Variants in ABCA12 observed in about 807,000 individuals in gnomAD.
ABCA12 encodes glucosylceramide transporter ABCA12.
ABCA12 carries 156 observed loss-of-function variants against 293.5 expected under a neutral mutation model. The observed-to-expected ratio is 0.53, with a 90% CI of 0.47 to 0.61. The LOEUF (loss-of-function observed/expected upper bound fraction) is 0.61. Among genes scored for constraint, ABCA12 ranks in the 20% least tolerant of loss-of-function variants. The pLI is 0.00. For missense variants in ABCA12, 2,797 were observed against 3,090.2 expected (o/e 0.91, Z 2.25); for synonymous variants, 1,063 against 1,108.0 (o/e 0.96, Z 0.81).
At chr2:215,000,581 C>A (rs1700122790) in intron 22 of ABCA12, 124 bp downstream of exon 22, 2 of 1,099,342 alleles carry the variant, frequency 1.8e-6, no homozygotes, top group African/African-American at 1.5e-5. Flanking sequence ...TTTCTCAAAA[C>A]AAGCATATTA....
At chr2:215,045,047 T>C (rs1465412137) in intron 7 of ABCA12, among the ~76,000 whole-genome samples, 1 of 152,182 alleles carries the variant, frequency 6.6e-6, no homozygotes, top group East Asian at 1.9e-4. Context: ...AAATAAATAC[T>C]GTTTGTTGTA....
chr2:215,052,459 T>G, intron 5 of ABCA12, 28 bp downstream of exon 5: 1 of 1,575,114 alleles, frequency 6.3e-7, no homozygotes, highest in East Asian at 2.2e-5. Context: ...TGAATCACTC[T>G]ACCCATTACA....
At chr2:215,051,933 T>C (rs905515037) in intron 5 of ABCA12, among the ~76,000 whole-genome samples, 4 of 152,088 alleles carry the variant, frequency 2.6e-5, no homozygotes, top group Non-Finnish European at 5.9e-5. Context: ...CACACACATT[T>C]AGCTCACAGG....
At chr2:215,075,895 C>T (rs1467255979) in intron 2 of ABCA12, among the ~76,000 whole-genome samples, 2 of 152,142 alleles carry the variant, frequency 1.3e-5, no homozygotes, top group African/African-American at 4.8e-5. Flanking sequence ...TAGACCTCAT[C>T]AAGGCAGAAG....
chr2:214,957,609 C>T (rs1574941212), intron 41 of ABCA12, among the ~76,000 whole-genome samples: 2 of 152,250 alleles, frequency 1.3e-5, no homozygotes, highest in East Asian at 1.9e-4. Context: ...CCCTTTAAGC[C>T]GATGATCTTG....
In ABCA12 at chr2:215,064,116, T is replaced by C; in HGVS notation, c.267A>G (p.Pro89=). 6.2e-7 allele frequency: 1 copy of C among 1,612,950 alleles called. No homozygotes were observed. The highest frequency in any genetic ancestry group is 8.5e-7 in the Non-Finnish European group (1 of 1,179,234). Residue 89 remains proline, a synonymous_variant, in exon 3 of 53, where the codon CCA becomes CCG. Transcript: ENST00000272895. ...DSKCKDTPYG[P]QDLLRRKGID... The stretch of plus-strand genomic sequence containing the variant: ...TTCCTTTCCTACGAAGCAGATCTTG[T>C]GGGCCATAGGGTGTGTCTTTGCATT...
chr2:214,998,438 A>T (rs1055960227), intron 22 of ABCA12, among the ~76,000 whole-genome samples: 1 of 152,162 alleles, frequency 6.6e-6, no homozygotes, highest in Non-Finnish European at 1.5e-5. Context: ...GATTACAGGC[A>T]TGAGTCACTG....
At chr2:215,052,272 A>G (rs1701333958) in intron 5 of ABCA12, among the ~76,000 whole-genome samples, 1 of 152,088 alleles carries the variant, frequency 6.6e-6, no homozygotes, top group South Asian at 2.1e-4. Context: ...TAAGGGACTT[A>G]ACAGGGAAGT....
rs374407087 is a variant in ABCA12 at position 215,113,702 on chromosome 2, A to G, written c.70-2012T>C. On this transcript the variant is annotated intron_variant, in intron 1 of 52. Transcript: ENST00000272895. ...AGGCATTTGTAAATTTGAATGGGAG[A>G]AAAAAAGATTATATTTTTATTTTCT... 1.9e-4 allele frequency among the ~76,000 whole-genome samples: 29 copies of G among 152,290 alleles called. 1 individual carries two copies. The highest frequency in any genetic ancestry group is 7.0e-4 in the African/African-American group (29 of 41,572).
intron 1 of ABCA12, among the ~76,000 whole-genome samples, chr2:215,116,927 A>G (rs1702698584): frequency 2.0e-5 from 3 of 152,242 alleles, no homozygotes; most frequent in South Asian, 4.1e-4. Context: ...GACAAGAGCC[A>G]TGAAAACTAG....
At chr2:215,061,396 A>T (rs569484650) in intron 3 of ABCA12, among the ~76,000 whole-genome samples, 12 of 152,194 alleles carry the variant, frequency 7.9e-5, no homozygotes, top group African/African-American at 2.9e-4. Context: ...CTATTAAAAG[A>T]AACATGGCAG....
chr2:215,013,967 G>C (rs970904273), intron 15 of ABCA12, among the ~76,000 whole-genome samples: 6 of 152,118 alleles, frequency 3.9e-5, no homozygotes, highest in Non-Finnish European at 5.9e-5. Context: ...GATCACTTGA[G>C]GTCAGGAGTT....
intron 1 of ABCA12, among the ~76,000 whole-genome samples, chr2:215,123,945 A>G (rs57079058): frequency 0.048 from 7,289 of 152,104 alleles, 572 homozygotes; most frequent in African/African-American, 0.17. Flanking sequence ...CTAAGCCTCA[A>G]AAGTCCATTG....
chr2:215,053,875 G>A (rs1056304948), intron 4 of ABCA12, among the ~76,000 whole-genome samples: 11 of 151,952 alleles, frequency 7.2e-5, no homozygotes, highest in Non-Finnish European at 1.5e-4. Context: ...TGTTTCGAGC[G>A]TTTATTTTTT....
rs755391236 is a variant in ABCA12 at position 214,997,733 on chromosome 2, T to C, written c.3256A>G (p.Lys1086Glu). 1 of 1,613,488 alleles carries C rather than the reference T, an allele frequency of 6.2e-7. No individual in the cohort carries two copies. Among genetic ancestry groups the C allele is most frequent in the South Asian group, 1.1e-5 (1 of 91,060 alleles). ...AWVVFIAAFVKKLVYEKDLRL... is the reference protein window; with the variant it reads ...AWVVFIAAFVEKLVYEKDLRL... ...AGGTCTTTCTCATAGACAAGCTTTTTTACAAAGGCAGCTATAAATACAACC... is the reference window on the plus strand; with the variant it reads ...AGGTCTTTCTCATAGACAAGCTTTTCTACAAAGGCAGCTATAAATACAACC... Residue 1086 changes from lysine to glutamate, a missense_variant, in exon 23 of 53, where the codon AAA becomes GAA. Lys to Glu is a moderately conservative substitution (Grantham distance 56). Coordinates refer to ENST00000272895, the MANE Select transcript of ABCA12 (RefSeq NM_173076.3).
chr2:215,054,339 T>C (rs1158063132), intron 4 of ABCA12, among the ~76,000 whole-genome samples: 2 of 152,100 alleles, frequency 1.3e-5, no homozygotes, highest in East Asian at 1.9e-4. Flanking sequence ...TCTCAACATG[T>C]AGGCTTTTGC....
chr2:214,941,764 T>C (rs1412436108), intron 50 of ABCA12, among the ~76,000 whole-genome samples: 2 of 150,316 alleles, frequency 1.3e-5, no homozygotes, highest in African/African-American at 4.8e-5. Flanking sequence ...TATCAGAGAC[T>C]AGGATTGCAA....
At chr2:214,969,251 C>T (rs919480592) in intron 37 of ABCA12, among the ~76,000 whole-genome samples, 1 of 151,988 alleles carries the variant, frequency 6.6e-6, no homozygotes, top group Admixed American at 6.6e-5. Flanking sequence ...TGTCCCCAGA[C>T]ATTATACATT....
chr2:214,961,229 G>A (rs890465076), intron 39 of ABCA12, among the ~76,000 whole-genome samples: 11 of 152,002 alleles, frequency 7.2e-5, no homozygotes, highest in African/African-American at 2.2e-4. Context: ...TACCACTTCC[G>A]TAAGTCTATT....
Sources: gnomAD v4.1 joint callset for allele counts (sites outside exome capture counted in the v4.1 genomes callset) on GRCh38, gnomAD v4.1.1 for gene constraint, MANE v1.5 for transcripts, NCBI Gene and HGNC (gene_info 2026-07-23, HGNC 2026-07-21) for gene names.